The following FBLN5 variants were observed in gnomAD, a reference collection of about 807,000 sequenced individuals.
The protein encoded by FBLN5 is fibulin-5.
In FBLN5, 24 loss-of-function variants were observed where a neutral mutation model predicts 61.6. The ratio of observed to expected loss-of-function variants is 0.39; its 90% CI spans 0.28 to 0.55. FBLN5 has a LOEUF of 0.55. Ranked by LOEUF, FBLN5 falls within the 20% of genes least tolerant of loss-of-function variation. FBLN5 has a pLI of 0.65. For missense variants in FBLN5, 470 were observed against 594.1 expected (o/e 0.79, Z 2.17); for synonymous variants, 213 against 219.8 (o/e 0.97, Z 0.27).
chr14:91,887,352 C>G, intron 6 of FBLN5, 40 bp from the exon 7 acceptor site: 1 of 1,606,530 alleles, frequency 6.2e-7, no homozygotes, highest in Non-Finnish European at 8.5e-7. Flanking sequence ...GTCCTCCCAA[C>G]AGAACAGCCA....
chr14:91,906,619 G>A (rs115998299), intron 4 of FBLN5, among the ~76,000 whole-genome samples: 1,808 of 152,334 alleles, frequency 0.012, 37 homozygotes, highest in African/African-American at 0.041. Flanking sequence ...AGGATTGCAT[G>A]TTTACCTGGC....
intron 4 of FBLN5, among the ~76,000 whole-genome samples, chr14:91,900,418 G>C (rs1187125712): frequency 6.6e-6 from 1 of 152,148 alleles, no homozygotes; most frequent in Non-Finnish European, 1.5e-5. Flanking sequence ...AAAATACTTT[G>C]TTTTCATAAC....
At chr14:91,884,017 C>T (rs937129096) in intron 7 of FBLN5, among the ~76,000 whole-genome samples, 7 of 152,174 alleles carry the variant, frequency 4.6e-5, no homozygotes, top group African/African-American at 1.4e-4. Flanking sequence ...TTGTTGTTTC[C>T]CAAAAACTTG....
At chr14:91,903,283 G>A (rs1370422058) in intron 4 of FBLN5, among the ~76,000 whole-genome samples, 1 of 152,190 alleles carries the variant, frequency 6.6e-6, no homozygotes. Context: ...CCCTGTAGTA[G>A]TTGGGTGCCT....
In FBLN5 at chr14:91,870,192, G is replaced by A; in HGVS notation, c.*32C>T. On this transcript the variant is annotated 3_prime_UTR_variant, in exon 11 of 11. Coordinates refer to ENST00000342058, the MANE Select transcript of FBLN5 (RefSeq NM_006329.4). ...TCTTCTCCTGTCCCTTGGTGCCAAT[G>A]AGAGGCAGCGTCGGAGGCTCCAGCC... 3.1e-6 allele frequency: 5 copies of A among 1,606,058 alleles called. No individual in the cohort carries two copies. Among genetic ancestry groups the A allele is most frequent in the Non-Finnish European group, 4.3e-6 (5 of 1,172,658 alleles).
rs75974376 is a variant in FBLN5, at chr14:91,883,128, G to A, written c.740-52C>T. The A allele has an allele frequency of 7.1e-3, 11,478 of 1,607,284 alleles. 48 individuals carry two copies. Among genetic ancestry groups the A allele is most frequent in the Non-Finnish European group, 8.0e-3 (9,368 of 1,175,174 alleles). On this transcript the variant is annotated intron_variant, in intron 7 of 10. Coordinates refer to ENST00000342058, the MANE Select transcript of FBLN5 (RefSeq NM_006329.4). ...TTGTAATCCCAGTCTACATGGGGAT[G>A]GGAGCTTAGTGGCCATCTACTCCAA... is the stretch of plus-strand genomic sequence containing the variant.
At chr14:91,910,971 AT>A (rs1890897368) in intron 4 of FBLN5, among the ~76,000 whole-genome samples, 1 of 143,946 alleles carries the variant, frequency 6.9e-6, no homozygotes, top group Non-Finnish European at 1.5e-5. Flanking sequence ...TGCTGCCCTC[AT>A]TTTTTTAGCT....
Position 91,877,624 on chromosome 14 carries a change from A to T in FBLN5, c.1048T>A (p.Tyr350Asn). 1 of 1,614,154 alleles carries T rather than the reference A, an allele frequency of 6.2e-7. No homozygotes were observed. Among genetic ancestry groups the T allele is most frequent in the Non-Finnish European group, 8.5e-7 (1 of 1,179,994 alleles). ...GCRDQPFTIL[Y>N]RDMDVVSGRS... ...CCTGACACCACGTCCATGTCCCGGT[A>T]CAAGATGGTAAAGGGCTGGTCTCTG... The change falls in exon 10 of 11, where the codon TAC becomes AAC. Residue 350 changes from tyrosine to asparagine, a missense_variant. Physicochemically the swap from Tyr to Asn is moderately radical, Grantham distance 143. Transcript: ENST00000342058.
intron 3 of FBLN5, chr14:91,939,922 G>A (rs947349800): frequency 1.1e-5 from 5 of 453,616 alleles, no homozygotes; most frequent in Non-Finnish European, 2.2e-5. Flanking sequence ...AAAAGTAGAA[G>A]AAGAAGAGGC....
At chr14:91,871,237 A>AAAAAAG (rs1888912754) in intron 10 of FBLN5, among the ~76,000 whole-genome samples, 3 of 151,462 alleles carry the variant, frequency 2.0e-5, no homozygotes, top group Non-Finnish European at 4.4e-5. Context: ...AAAAAAAAAA[A>AAAAAAG]AGGCATCAAA....
At chr14:91,920,826 C>T (rs371842883) in intron 4 of FBLN5, among the ~76,000 whole-genome samples, 2 of 152,208 alleles carry the variant, frequency 1.3e-5, no homozygotes, top group Admixed American at 1.3e-4. Flanking sequence ...ACCCTCAGCA[C>T]TCCCTTGGCC....
At chr14:91,903,762 T>C (rs995374426) in intron 4 of FBLN5, among the ~76,000 whole-genome samples, 2 of 152,172 alleles carry the variant, frequency 1.3e-5, no homozygotes, top group Non-Finnish European at 2.9e-5. Context: ...CCCACTCTCA[T>C]ACAATTGCCA....
chr14:91,927,499 A>G (rs1422987112), intron 4 of FBLN5, among the ~76,000 whole-genome samples: 1 of 152,250 alleles, frequency 6.6e-6, no homozygotes. Flanking sequence ...CATCAGAAGG[A>G]TTTTGAAAAG....
intron 7 of FBLN5, among the ~76,000 whole-genome samples, chr14:91,885,812 A>G (rs1185476974): frequency 6.6e-6 from 1 of 152,238 alleles, no homozygotes; most frequent in East Asian, 1.9e-4. Flanking sequence ...ATCTCACCAC[A>G]TAATGTTGGA....
chr14:91,937,311 T>G, intron 3 of FBLN5, 110 bp from the exon 4 acceptor site: 3 of 1,451,394 alleles, frequency 2.1e-6, no homozygotes, highest in South Asian at 1.2e-5. Flanking sequence ...CCCAAACACC[T>G]AGGGTGGTCC....
intron 9 of FBLN5, among the ~76,000 whole-genome samples, chr14:91,880,750 C>T (rs747209990): frequency 6.6e-6 from 1 of 152,006 alleles, no homozygotes; most frequent in Admixed American, 6.5e-5. Context: ...GGGGTTTCAC[C>T]ATGTTGGCCA....
intron 10 of FBLN5, among the ~76,000 whole-genome samples, chr14:91,871,750 G>A (rs567246814): frequency 5.3e-5 from 8 of 152,144 alleles, no homozygotes; most frequent in African/African-American, 1.9e-4. Flanking sequence ...CCAGCTACTT[G>A]GGAGGCTGAG....
At chr14:91,935,663 T>C (rs534199724) in intron 4 of FBLN5, among the ~76,000 whole-genome samples, 1 of 152,220 alleles carries the variant, frequency 6.6e-6, no homozygotes, top group South Asian at 2.1e-4. Context: ...GAGTCCACAC[T>C]CTCCTTTCTA....
intron 2 of FBLN5, among the ~76,000 whole-genome samples, chr14:91,941,623 C>G (rs567788209): frequency 6.6e-6 from 1 of 152,228 alleles, no homozygotes; most frequent in East Asian, 1.9e-4. Flanking sequence ...GAAGCTGTGC[C>G]GGGAAGCTGG....
Sources: gnomAD v4.1 joint callset for allele counts (sites outside exome capture counted in the v4.1 genomes callset) on GRCh38, gnomAD v4.1.1 for gene constraint, MANE v1.5 for transcripts, NCBI Gene and HGNC (gene_info 2026-07-23, HGNC 2026-07-21) for gene names.